The following KIF16B variants were observed in gnomAD, a reference collection of about 807,000 sequenced individuals.
KIF16B encodes the protein kinesin family member 16B, also known as kinesin-like protein KIF16B.
In KIF16B, 98 loss-of-function variants were observed where a neutral mutation model predicts 156.3. The ratio of observed to expected loss-of-function variants is 0.63; its 90% CI spans 0.53 to 0.74. KIF16B has a LOEUF of 0.74. Among genes scored for constraint, KIF16B ranks in the 30% least tolerant of loss-of-function variants. The pLI is 0.00. For synonymous variants in KIF16B, 564 were observed against 583.7 expected (o/e 0.97, Z 0.49); for missense variants, 1,421 against 1,606.5 (o/e 0.88, Z 1.97).
chr20:16,354,535 T>C (rs1025857515), intron 23 of KIF16B, among the ~76,000 whole-genome samples: 1 of 148,008 alleles, frequency 6.8e-6, no homozygotes, highest in African/African-American at 2.5e-5. Context: ...TGAGAACAAA[T>C]GAAAAAGAAA....
chr20:16,368,718 C>CT, intron 22 of KIF16B: 15 of 985,904 alleles, frequency 1.5e-5, no homozygotes, highest in Non-Finnish European at 1.8e-5. Flanking sequence ...CCAGTACGCT[C>CT]TGCGGGGCAC....
chr20:16,540,302 G>A (rs1399164106), intron 1 of KIF16B, among the ~76,000 whole-genome samples: 1 of 152,096 alleles, frequency 6.6e-6, no homozygotes, highest in East Asian at 1.9e-4. Flanking sequence ...GACCTCTGGA[G>A]AGTGAGTGGG....
intron 24 of KIF16B, among the ~76,000 whole-genome samples, chr20:16,335,007 T>G (rs562388876): frequency 6.6e-6 from 1 of 152,340 alleles, no homozygotes; most frequent in East Asian, 1.9e-4. Context: ...CTCTTTGTAT[T>G]TTATATCAGA....
At chr20:16,556,420 C>T (rs1360928266) in intron 1 of KIF16B, among the ~76,000 whole-genome samples, 1 of 152,196 alleles carries the variant, frequency 6.6e-6, no homozygotes, top group Non-Finnish European at 1.5e-5. Flanking sequence ...ATGCTTTGCA[C>T]TCTATATGTG....
intron 22 of KIF16B, chr20:16,367,342 A>T (rs2064693050): frequency 6.2e-7 from 1 of 1,612,914 alleles, no homozygotes; most frequent in Non-Finnish European, 8.5e-7. Flanking sequence ...TTTCTGTAAG[A>T]AGACTAGTTC....
chr20:16,414,648 T>C (rs1177097523), intron 15 of KIF16B, among the ~76,000 whole-genome samples: 1 of 152,120 alleles, frequency 6.6e-6, no homozygotes, highest in Non-Finnish European at 1.5e-5. Flanking sequence ...TGCCCAACTG[T>C]GTGCACAAAC....
chr20:16,330,218 T>C (rs1252245861), intron 24 of KIF16B, among the ~76,000 whole-genome samples: 1 of 152,224 alleles, frequency 6.6e-6, no homozygotes, highest in African/African-American at 2.4e-5. Flanking sequence ...CTTACCGCTT[T>C]AATTGGCTCA....
intron 17 of KIF16B, among the ~76,000 whole-genome samples, chr20:16,386,597 T>C (rs2065236398): frequency 6.6e-6 from 1 of 151,618 alleles, no homozygotes; most frequent in South Asian, 2.1e-4. Flanking sequence ...ACAGATGAAA[T>C]AGACTTGTGC....
At chr20:16,513,656 G>T (rs34902472) in intron 4 of KIF16B, among the ~76,000 whole-genome samples, 170 of 77,968 alleles carry the variant, frequency 2.2e-3, no homozygotes, top group Non-Finnish European at 2.5e-3. Flanking sequence ...GCAAAACTAC[G>T]TTTAAAAAAA....
chr20:16,323,966 G>A lies in KIF16B; in HGVS notation c.3712-11548C>T, dbSNP rs79941853. 6.5e-4 allele frequency among the ~76,000 whole-genome samples: 98 copies of A among 151,866 alleles called. No individual in the cohort carries two copies. In the East Asian group the frequency reaches 0.015, roughly 23 times the overall value. On this transcript the variant is annotated intron_variant, in intron 24 of 25. Transcript: ENST00000354981. ...TGAAGTCTCATTTTCCCCAAAGCCC[G>A]GTGTCAGTTTCATTCAGGCATGACC...
chr20:16,312,138 C>T (rs1019792990), intron 25 of KIF16B, among the ~76,000 whole-genome samples, 197 bp downstream of exon 25: 1 of 152,142 alleles, frequency 6.6e-6, no homozygotes, highest in Non-Finnish European at 1.5e-5. Context: ...TTCCGCTAGA[C>T]CAGAGGAAGA....
At chr20:16,351,154 A>C (rs1008469494) in intron 23 of KIF16B, among the ~76,000 whole-genome samples, 1 of 152,154 alleles carries the variant, frequency 6.6e-6, no homozygotes, top group Non-Finnish European at 1.5e-5. Context: ...TTTTACAAGA[A>C]TAGAAACTCT....
chr20:16,341,204 A>G (rs2064134434), intron 23 of KIF16B, among the ~76,000 whole-genome samples: 1 of 152,196 alleles, frequency 6.6e-6, no homozygotes, highest in African/African-American at 2.4e-5. Context: ...TAGGCAAAAC[A>G]ACATACAGCC....
intron 3 of KIF16B, among the ~76,000 whole-genome samples, chr20:16,518,437 T>A (rs575897191): frequency 6.6e-6 from 1 of 152,166 alleles, no homozygotes; most frequent in African/African-American, 2.4e-5. Flanking sequence ...GCTGATTTCC[T>A]GGGTAATCCA....
intron 15 of KIF16B, among the ~76,000 whole-genome samples, chr20:16,410,132 CATATATATATGTAG>C (rs1568948788): frequency 3.3e-5 from 4 of 121,646 alleles, no homozygotes; most frequent in African/African-American, 1.2e-4. Flanking sequence ...TATGTAGGTA[CATATATATATGTAG>C]GTACATATAC....
intron 25 of KIF16B, among the ~76,000 whole-genome samples, chr20:16,288,735 A>G (rs112015305): frequency 2.1e-3 from 222 of 105,800 alleles, no homozygotes; most frequent in South Asian, 2.5e-3. Context: ...GTATGTACTG[A>G]TGATAAGGTT....
chr20:16,379,156 A>G lies in KIF16B; in HGVS notation c.2846T>C (p.Met949Thr), dbSNP rs1286859400. Residue 949 changes from methionine (M) to threonine (T), a missense_variant, in exon 19 of 26, where the codon ATG becomes ACG. Coordinates refer to ENST00000354981, the MANE Select transcript of KIF16B (RefSeq NM_024704.5). The stretch of plus-strand genomic sequence containing the variant: ...TGCAAGCTGTTCTTCTTTTTCTTCC[A>G]TTTCCTTTTCTACTTGATAAAGAGT... The part of the protein sequence containing the change: ...DNTLYQVEKE[M>T]EEKEEQLAQY... The G allele has an allele frequency of 1.2e-6, 2 of 1,613,682 alleles. No individual in the cohort carries two copies. Among genetic ancestry groups the G allele is most frequent in the East Asian group, 2.2e-5 (1 of 44,864 alleles).
chr20:16,494,612 C>T (rs1442822508), intron 11 of KIF16B, among the ~76,000 whole-genome samples: 1 of 152,174 alleles, frequency 6.6e-6, no homozygotes, highest in Non-Finnish European at 1.5e-5. Context: ...TCATGGTGTA[C>T]TTAAAGCAGC....
chr20:16,449,995 T>C (rs900752135), intron 12 of KIF16B, among the ~76,000 whole-genome samples: 2 of 152,170 alleles, frequency 1.3e-5, no homozygotes, highest in Non-Finnish European at 2.9e-5. Context: ...AGACAGATCA[T>C]AAAAATGCTT....
Sources: allele counts gnomAD v4.1 joint callset (sites outside exome capture counted in the v4.1 genomes callset), GRCh38; gene constraint gnomAD v4.1.1; transcripts MANE v1.5; gene names NCBI Gene and HGNC (gene_info 2026-07-23, HGNC 2026-07-21).